The following FBXL4 variants were observed in gnomAD, a reference collection of about 807,000 sequenced individuals.
FBXL4 encodes F-box/LRR-repeat protein 4.
In FBXL4, 40 loss-of-function variants were observed where a neutral mutation model predicts 58.9. That is an observed-to-expected ratio of 0.68 (90% CI 0.53 to 0.88). FBXL4 has a LOEUF of 0.88. Ranked by LOEUF, FBXL4 falls within the 40% of genes least tolerant of loss-of-function variation. The probability of loss-of-function intolerance (pLI) is 0.00; values close to 1 mark genes in which losing one functional copy is unlikely to be tolerated. For missense variants in FBXL4, 676 were observed against 734.4 expected, an observed-to-expected ratio of 0.92 and a Z score of 0.92; for synonymous variants, 263 against 265.5, an observed-to-expected ratio of 0.99 and a Z score of 0.09.
intron 5 of FBXL4, among the ~76,000 whole-genome samples, chr6:98,916,619 G>A (rs1335809431): frequency 1.3e-5 from 2 of 152,004 alleles, no homozygotes; most frequent in Non-Finnish European, 2.9e-5. Flanking sequence ...ATTGAACAAT[G>A]AGAACACATG....
At position 98,873,358 on chromosome 6, in the gene FBXL4, T is replaced by A. The variant is rs914443447; in HGVS notation, c.*920A>T. 2.7e-5 allele frequency: 4 copies of A among 148,460 alleles called. No individual in the cohort carries two copies. The highest frequency in any genetic ancestry group is 9.8e-5 in the African/African-American group (4 of 40,850). The allele number at this position is 148,460 out of a possible 1,614,324, so 9.2% of individuals were successfully genotyped here. A position where few individuals can be genotyped will look rare whatever the true frequency, so the allele number is the denominator to read the frequency against. ...TATTATCTATAATATGTATATATAA[T>A]GTGTATATATAATATATATCTCCAC... On this transcript the variant is annotated 3_prime_UTR_variant, in exon 10 of 10. Coordinates refer to ENST00000369244, the MANE Select transcript of FBXL4 (RefSeq NM_001278716.2).
intron 7 of FBXL4, among the ~76,000 whole-genome samples, chr6:98,885,795 A>G (rs1049639820): frequency 1.3e-5 from 2 of 152,192 alleles, no homozygotes; most frequent in African/African-American, 4.8e-5. Context: ...TATAATAAAT[A>G]TCTTTATCTC....
At chr6:98,928,638 T>A (rs1357629345) in intron 2 of FBXL4, among the ~76,000 whole-genome samples, 1 of 152,128 alleles carries the variant, frequency 6.6e-6, no homozygotes, top group Non-Finnish European at 1.5e-5. Flanking sequence ...CCCCAACTTT[T>A]CTTTAATAGA....
rs1295282095 is a variant in FBXL4, at chr6:98,873,195, C to A, written c.*1083G>T. The stretch of plus-strand genomic sequence containing the variant: ...CCACACACCCTAGCAAGATATATAT[C>A]TCTCTCTATATAATATATATAATTA... On this transcript the variant is annotated 3_prime_UTR_variant, in exon 10 of 10. Transcript: ENST00000369244. 1 of 147,714 alleles carries A rather than the reference C, an allele frequency of 6.8e-6. No individual in the cohort carries two copies. The highest frequency in any genetic ancestry group is 1.5e-5 in the Non-Finnish European group (1 of 67,238). 9.2% of individuals were successfully genotyped at this position (147,714 alleles called of 1,614,324 possible). A position where few individuals can be genotyped will look rare whatever the true frequency, so the allele number is the denominator to read the frequency against.
chr6:98,883,039 T>G (rs982955031), intron 7 of FBXL4, among the ~76,000 whole-genome samples: 23 of 152,052 alleles, frequency 1.5e-4, no homozygotes, highest in Non-Finnish European at 2.9e-4. Context: ...GTGCTTAAAT[T>G]AACCTATTCT....
intron 4 of FBXL4, among the ~76,000 whole-genome samples, chr6:98,922,071 G>A (rs1304579467): frequency 6.6e-6 from 1 of 152,138 alleles, no homozygotes; most frequent in African/African-American, 2.4e-5. Context: ...GGAATTACAG[G>A]TGCCCGCCAC....
intron 5 of FBXL4, among the ~76,000 whole-genome samples, chr6:98,916,331 G>A (rs1772344289): frequency 1.3e-5 from 2 of 152,168 alleles, no homozygotes; most frequent in Non-Finnish European, 2.9e-5. Flanking sequence ...ATACCCAAAG[G>A]ACAATAAATC....
intron 7 of FBXL4, among the ~76,000 whole-genome samples, chr6:98,893,623 A>T (rs1410737797): frequency 6.6e-6 from 1 of 152,232 alleles, no homozygotes; most frequent in African/African-American, 2.4e-5. Flanking sequence ...CCATAACACA[A>T]GTATTTGAAA....
rs947988064 is a variant in FBXL4, at chr6:98,910,919, C to T, written c.859-5249G>A. On this transcript the variant is annotated intron_variant, in intron 5 of 9. Coordinates refer to ENST00000369244, the MANE Select transcript of FBXL4 (RefSeq NM_001278716.2). Reference sequence around the variant, plus strand: ...CACAAGGGATCAGGGAGTTCCCTTTCCTGGTCAAGGAAAGGGGTGACAGAT... The same window carrying T: ...CACAAGGGATCAGGGAGTTCCCTTTTCTGGTCAAGGAAAGGGGTGACAGAT... Among the ~76,000 whole-genome samples, 4 of 152,288 alleles carry T rather than the reference C, an allele frequency of 2.6e-5. No individual in the cohort carries two copies. In the East Asian group the frequency reaches 7.8e-4, roughly 30 times the overall value.
chr6:98,905,285 C>T (rs1324333489), intron 6 of FBXL4, 141 bp downstream of exon 6: 2 of 1,033,094 alleles, frequency 1.9e-6, no homozygotes, highest in East Asian at 2.4e-5. Context: ...GCATTCTAAA[C>T]ATGACACTCA....
intron 1 of FBXL4, among the ~76,000 whole-genome samples, chr6:98,935,516 G>GCGGT (rs1237566114): frequency 6.6e-6 from 1 of 152,060 alleles, no homozygotes; most frequent in Non-Finnish European, 1.5e-5. Flanking sequence ...TGGGCCGGGC[G>GCGGT]CGGTGGCTCA....
rs1366547687 is a variant in FBXL4, at chr6:98,873,224, A to G, written c.*1054T>C. The G allele has an allele frequency of 6.8e-6, 1 of 147,778 alleles. No homozygotes were observed. Among genetic ancestry groups the G allele is most frequent in the Non-Finnish European group, 1.5e-5 (1 of 67,202 alleles). 9.2% of individuals were successfully genotyped at this position (147,778 alleles called of 1,614,324 possible). A position where few individuals can be genotyped will look rare whatever the true frequency, so the allele number is the denominator to read the frequency against. On this transcript the variant is annotated 3_prime_UTR_variant, in exon 10 of 10. Transcript: ENST00000369244. ...CTCTATATAATATATATAATTATAT[A>G]TATGTATATAATATATACATGTACA...
At chr6:98,916,989 A>G (rs1256362202) in intron 5 of FBXL4, among the ~76,000 whole-genome samples, 1 of 152,176 alleles carries the variant, frequency 6.6e-6, no homozygotes, top group African/African-American at 2.4e-5. Flanking sequence ...TCACAATCTT[A>G]TTAATATTCT....
intron 5 of FBXL4, among the ~76,000 whole-genome samples, chr6:98,912,441 C>CTT (rs1772128079): frequency 6.6e-6 from 1 of 152,100 alleles, no homozygotes. Flanking sequence ...GTCGGGTTAC[C>CTT]CACCAAGGGA....
At chr6:98,942,314 A>T (rs195828) in intron 1 of FBXL4, among the ~76,000 whole-genome samples, 46,092 of 151,856 alleles carry the variant, frequency 0.3, 7,899 homozygotes, top group East Asian at 0.69. Flanking sequence ...ATTTTAAAAA[A>T]TGGTTAGAAA....
chr6:98,880,603 A>C lies in FBXL4; in HGVS notation c.1339T>G (p.Leu447Val). The change falls in exon 8 of 10, where the codon TTG becomes GTG. Residue 447 changes from leucine to valine, a missense_variant. By Grantham distance (32) the Leu-to-Val change is conservative. Transcript: ENST00000369244. ...TGCTGAAGCTCTGAACAGAAGTTCA[A>C]AATGCTGAGCAGTGCTGTTTGCTGC... ...KVEQTALLSI[L>V]NFCSELQHLS... 4 of 1,613,986 alleles carry C rather than the reference A, an allele frequency of 2.5e-6. No individual in the cohort carries two copies. Among genetic ancestry groups the C allele is most frequent in the Non-Finnish European group, 3.4e-6 (4 of 1,179,918 alleles).
At chr6:98,936,941 T>C (rs1773242584) in intron 1 of FBXL4, among the ~76,000 whole-genome samples, 1 of 152,212 alleles carries the variant, frequency 6.6e-6, no homozygotes, top group Non-Finnish European at 1.5e-5. Flanking sequence ...CTTTTTATTC[T>C]GAATCAAATC....
intron 7 of FBXL4, among the ~76,000 whole-genome samples, chr6:98,894,741 G>C (rs1462116361): frequency 2.0e-5 from 3 of 152,108 alleles, no homozygotes; most frequent in African/African-American, 7.2e-5. Flanking sequence ...CACTGACTCT[G>C]CACATAGCTT....
rs1438963021 is a variant in FBXL4 at position 98,926,716 on chromosome 6, A to G, written c.273T>C (p.Phe91=). The G allele has an allele frequency of 1.9e-6, 3 of 1,614,130 alleles. No homozygotes were observed. The highest frequency in any genetic ancestry group is 1.7e-5 in the Admixed American group (1 of 60,014). ...VPNVFPSSGD[F]TQTAVFRTYG... ...AAGTTCGAAACACAGCTGTCTGAGT[A>G]AAGTCACCAGAACTTGGGAATACAT... Residue 91 remains phenylalanine, a synonymous_variant, in exon 4 of 10, where the codon TTT becomes TTC. Coordinates refer to ENST00000369244, the MANE Select transcript of FBXL4 (RefSeq NM_001278716.2).
Sources: gnomAD v4.1 joint callset for allele counts (sites outside exome capture counted in the v4.1 genomes callset) on GRCh38, gnomAD v4.1.1 for gene constraint, MANE v1.5 for transcripts, NCBI Gene and HGNC (gene_info 2026-07-23, HGNC 2026-07-21) for gene names.